The following CTNNA2 variants were observed in gnomAD, a reference collection of about 807,000 sequenced individuals.
CTNNA2 encodes catenin alpha 2.
Under a neutral mutation model 101.0 loss-of-function variants are expected in CTNNA2, and 42 were observed. The ratio of observed to expected loss-of-function variants is 0.42; its 90% CI spans 0.32 to 0.54. The LOEUF (loss-of-function observed/expected upper bound fraction) is 0.54, where lower values mean the gene tolerates loss of function less well. Among genes scored for constraint, CTNNA2 ranks in the 20% least tolerant of loss-of-function variants. The pLI, the probability that CTNNA2 is intolerant of heterozygous loss-of-function variation, is 0.14. For missense variants in CTNNA2, 871 were observed against 1,223.1 expected (o/e 0.71, Z 4.29); for synonymous variants, 450 against 456.4 (o/e 0.99, Z 0.18).
At chr2:80,593,509 C>G (rs1220316288) in intron 15 of CTNNA2, among the ~76,000 whole-genome samples, 3 of 152,096 alleles carry the variant, frequency 2.0e-5, no homozygotes, top group Non-Finnish European at 4.4e-5. Context: ...TGGTATACAT[C>G]ATGAAGTTTA....
At chr2:79,650,619 CTT>C (rs147904134) in intron 1 of CTNNA2, among the ~76,000 whole-genome samples, 36 of 141,040 alleles carry the variant, frequency 2.6e-4, no homozygotes, top group African/African-American at 6.0e-4. Context: ...CTCTGTGTTT[CTT>C]TTTTTTTTTT....
intron 8 of CTNNA2, among the ~76,000 whole-genome samples, chr2:80,394,179 T>C (rs1677785130): frequency 1.3e-5 from 2 of 152,218 alleles, no homozygotes; most frequent in South Asian, 2.1e-4. Context: ...AACAATTGGG[T>C]TAGCATGGCC....
chr2:80,539,229 C>T (rs938492795), intron 9 of CTNNA2, among the ~76,000 whole-genome samples: 4 of 151,802 alleles, frequency 2.6e-5, no homozygotes, highest in Admixed American at 1.3e-4. Context: ...TAAAGAGTTA[C>T]AGGATAGATG....
At chr2:80,447,238 A>C (rs1328268561) in intron 9 of CTNNA2, among the ~76,000 whole-genome samples, 2 of 152,174 alleles carry the variant, frequency 1.3e-5, no homozygotes, top group Non-Finnish European at 2.9e-5. Context: ...CTGCTGTAGT[A>C]CATTTTTTTC....
intron 7 of CTNNA2, among the ~76,000 whole-genome samples, chr2:80,031,896 G>T (rs77368491): frequency 6.6e-6 from 1 of 152,258 alleles, no homozygotes; most frequent in African/African-American, 2.4e-5. Context: ...AGACAACAAC[G>T]ATTCCACATG....
At chr2:79,940,691 G>T (rs1444341440) in intron 7 of CTNNA2, among the ~76,000 whole-genome samples, 1 of 152,158 alleles carries the variant, frequency 6.6e-6, no homozygotes, top group Non-Finnish European at 1.5e-5. Flanking sequence ...GGTCTGTAGT[G>T]CAAATGCAAC....
At chr2:79,642,646 G>A (rs17017388) in intron 1 of CTNNA2, among the ~76,000 whole-genome samples, 6,092 of 152,212 alleles carry the variant, frequency 0.04, 393 homozygotes, top group African/African-American at 0.14. Context: ...GCACCAGGAA[G>A]AGTGACAAAT....
At chr2:80,096,540 A>T (rs1700164764) in intron 7 of CTNNA2, among the ~76,000 whole-genome samples, 1 of 152,184 alleles carries the variant, frequency 6.6e-6, no homozygotes, top group African/African-American at 2.4e-5. Flanking sequence ...TGCAGAGCTG[A>T]GTTCAATTCC....
chr2:79,232,310 G>C (rs75306088), intron 2 of CTNNA2, among the ~76,000 whole-genome samples: 7,282 of 152,076 alleles, frequency 0.048, 256 homozygotes, highest in Middle Eastern at 0.14. Context: ...CATCTATTGA[G>C]GTAATCATAT....
intron 2 of CTNNA2, among the ~76,000 whole-genome samples, chr2:79,727,364 C>T (rs567820383): frequency 6.6e-6 from 1 of 152,228 alleles, no homozygotes; most frequent in South Asian, 2.1e-4. Context: ...GTCCTCAGAT[C>T]AGCAGGACTC....
At chr2:79,982,860 T>A (rs958477560) in intron 7 of CTNNA2, among the ~76,000 whole-genome samples, 1 of 151,368 alleles carries the variant, frequency 6.6e-6, no homozygotes, top group Non-Finnish European at 1.5e-5. Context: ...CTTTCCTCTA[T>A]CTCTCTTTCA....
At chr2:79,679,474 C>T (rs760305761) in intron 2 of CTNNA2, among the ~76,000 whole-genome samples, 10 of 152,022 alleles carry the variant, frequency 6.6e-5, no homozygotes, top group African/African-American at 1.2e-4. Context: ...TTCACCATGG[C>T]GGTCATGAAA....
intron 7 of CTNNA2, among the ~76,000 whole-genome samples, chr2:80,316,760 A>C (rs1365712857): frequency 6.6e-6 from 1 of 152,186 alleles, no homozygotes; most frequent in Non-Finnish European, 1.5e-5. Context: ...TGTTCTTGTC[A>C]ATCAGTTAGC....
intron 2 of CTNNA2, among the ~76,000 whole-genome samples, chr2:79,240,486 T>C (rs1346808974): frequency 6.6e-6 from 1 of 152,156 alleles, no homozygotes; most frequent in Admixed American, 6.5e-5. Flanking sequence ...AGTTTTCTAT[T>C]CCTGTGTTTG....
At chr2:79,201,587 C>T (rs1006163649) in intron 2 of CTNNA2, among the ~76,000 whole-genome samples, 1 of 152,062 alleles carries the variant, frequency 6.6e-6, no homozygotes, top group Non-Finnish European at 1.5e-5. Flanking sequence ...AATTATTTTT[C>T]CTAGCAAAAT....
intron 4 of CTNNA2, among the ~76,000 whole-genome samples, chr2:79,864,867 G>A (rs369484827): frequency 1.3e-5 from 2 of 152,100 alleles, no homozygotes; most frequent in Admixed American, 1.3e-4. Context: ...CCTCTCCTCC[G>A]ATTTCAGTCT....
intron 2 of CTNNA2, among the ~76,000 whole-genome samples, chr2:79,250,836 C>G (rs903771705): frequency 6.6e-6 from 1 of 152,186 alleles, no homozygotes; most frequent in African/African-American, 2.4e-5. Context: ...TTCTCTCTCA[C>G]TTGGCTCAAC....
chr2:80,278,822 A>G (rs1248452689), intron 7 of CTNNA2, among the ~76,000 whole-genome samples: 1 of 151,848 alleles, frequency 6.6e-6, no homozygotes, highest in Non-Finnish European at 1.5e-5. Flanking sequence ...AAAAAAATAT[A>G]TATATATCAG....
chr2:80,245,794 C>CTTTTTTTTTTTTTTTGTTTTTTTTTT (rs1671274137), intron 7 of CTNNA2, among the ~76,000 whole-genome samples: 1 of 58,912 alleles, frequency 1.7e-5, no homozygotes, highest in African/African-American at 8.2e-5. Flanking sequence ...TATGATTTAA[C>CTTTTTTTTTTTTTTTGTTTTTTTTTT]TTTTTTTTTT....
Sources: gnomAD v4.1 joint callset for allele counts (sites outside exome capture counted in the v4.1 genomes callset) on GRCh38, gnomAD v4.1.1 for gene constraint, MANE v1.5 for transcripts, NCBI Gene and HGNC (gene_info 2026-07-23, HGNC 2026-07-21) for gene names.